The following MIS18A variants were observed in gnomAD, a reference collection of about 807,000 sequenced individuals.
The protein encoded by MIS18A is protein Mis18-alpha.
MIS18A carries 14 observed loss-of-function variants against 25.0 expected under a neutral mutation model. The observed-to-expected ratio is 0.56, with a 90% CI of 0.37 to 0.88. The LOEUF (loss-of-function observed/expected upper bound fraction) is 0.88. MIS18A is among the 40% of genes least tolerant of loss of function. The probability of loss-of-function intolerance (pLI) is 0.00; values close to 1 mark genes in which losing one functional copy is unlikely to be tolerated. For synonymous variants in MIS18A, 134 were observed against 118.6 expected (o/e 1.13, Z -0.84); for missense variants, 292 against 290.8 (o/e 1.00, Z -0.03).
chr21:32,231,033 G>A, the MIS18A span, among the ~76,000 whole-genome samples: 22,301 of 151,766 alleles, frequency 0.15, 1,721 homozygotes, highest in Admixed American at 0.2. Context: ...CCAGGAGTTC[G>A]AGACCAGCCT....
At chr21:32,165,115 C>T in the MIS18A span, among the ~76,000 whole-genome samples, 1 of 152,180 alleles carries the variant, frequency 6.6e-6, no homozygotes. Context: ...AGGCGGATCA[C>T]CTGAGGTTGG....
chr21:32,171,944 T>C, the MIS18A span, among the ~76,000 whole-genome samples: 13,191 of 152,058 alleles, frequency 0.087, 772 homozygotes, highest in South Asian at 0.18. Context: ...TGGAACTTAG[T>C]AGCAAGAAAA....
At chr21:32,172,345 G>A in the MIS18A span, among the ~76,000 whole-genome samples, 825 of 152,176 alleles carry the variant, frequency 5.4e-3, 7 homozygotes, top group African/African-American at 0.018. Context: ...GTGCTTCCGT[G>A]TTCATTGCAG....
At chr21:32,232,667 T>C in the MIS18A span, among the ~76,000 whole-genome samples, 3 of 152,122 alleles carry the variant, frequency 2.0e-5, no homozygotes, top group African/African-American at 4.8e-5. Context: ...AAATGCTGCA[T>C]GATCTCACTT....
the MIS18A span, among the ~76,000 whole-genome samples, chr21:32,207,529 G>C: frequency 3.3e-5 from 5 of 152,170 alleles, no homozygotes; most frequent in Admixed American, 6.5e-5. Context: ...CGCTTGCCAG[G>C]ATATCTGGCA....
downstream of MIS18A, among the ~76,000 whole-genome samples, chr21:32,264,561 T>C (rs1332485180): frequency 6.6e-6 from 1 of 152,232 alleles, no homozygotes. Flanking sequence ...ATACTTTCAT[T>C]ATACAGATGC....
the MIS18A span, among the ~76,000 whole-genome samples, chr21:32,252,274 GGAGGAGGAAGAGAGAA>G: frequency 2.9e-5 from 4 of 136,934 alleles, no homozygotes; most frequent in African/African-American, 5.4e-5. Context: ...AGGAGGAGGA[GGAGGAGGAAGAGAGAA>G]GAGGAGGAGG....
chr21:32,223,402 A>C, the MIS18A span, among the ~76,000 whole-genome samples: 1 of 152,200 alleles, frequency 6.6e-6, no homozygotes, highest in Non-Finnish European at 1.5e-5. Flanking sequence ...AAAGAAGAAA[A>C]GAGAGAAGAA....
the MIS18A span, among the ~76,000 whole-genome samples, chr21:32,238,886 G>A: frequency 2.0e-5 from 3 of 152,280 alleles, no homozygotes; most frequent in South Asian, 4.1e-4. Flanking sequence ...TGTACAATTC[G>A]ACGTTTGTCA....
chr21:32,204,795 G>A, the MIS18A span, among the ~76,000 whole-genome samples: 1 of 151,844 alleles, frequency 6.6e-6, no homozygotes, highest in East Asian at 2.0e-4. Flanking sequence ...GTTGAGGCAG[G>A]AGAATCGCTT....
the MIS18A span, among the ~76,000 whole-genome samples, chr21:32,252,653 T>C: frequency 3.4e-4 from 52 of 152,328 alleles, no homozygotes; most frequent in Admixed American, 3.3e-3. Flanking sequence ...CTCCCTCACT[T>C]AACTAAGTTG....
chr21:32,268,496 T>C lies in MIS18A; in HGVS notation c.*541A>G, dbSNP rs558845828. On this transcript the variant is annotated 3_prime_UTR_variant, in exon 5 of 5. Coordinates refer to ENST00000290130, the MANE Select transcript of MIS18A (RefSeq NM_018944.3). The stretch of plus-strand genomic sequence containing the variant: ...TCTGACCAATTTCTCCAGGGAACTT[T>C]ATGGATTAGTTTTCAGAGAAGATTC... The C allele has an allele frequency of 1.3e-5, 2 of 152,370 alleles. No individual in the cohort carries two copies. Among genetic ancestry groups the C allele is most frequent in the African/African-American group, 4.8e-5 (2 of 41,580 alleles). The allele number at this position is 152,370 out of a possible 1,614,324, so 9.4% of individuals were successfully genotyped here.
chr21:32,162,107 G>A, the MIS18A span, among the ~76,000 whole-genome samples: 1 of 152,112 alleles, frequency 6.6e-6, no homozygotes, highest in African/African-American at 2.4e-5. Flanking sequence ...TCTTCTCCAA[G>A]GTCACATGTG....
chr21:32,209,251 C>T, the MIS18A span, among the ~76,000 whole-genome samples: 1 of 151,974 alleles, frequency 6.6e-6, no homozygotes, highest in Admixed American at 6.6e-5. Flanking sequence ...CATGTTAAAG[C>T]ATTTTAGAAA....
intron 4 of MIS18A, 156 bp downstream of exon 4, chr21:32,269,551 C>T (rs2123463089): frequency 1.8e-6 from 1 of 550,008 alleles, no homozygotes; most frequent in Admixed American, 3.6e-5. Flanking sequence ...CTTTTGAGTT[C>T]CCCAAAAATC....
chr21:32,170,081 A>G, the MIS18A span, among the ~76,000 whole-genome samples: 2 of 152,274 alleles, frequency 1.3e-5, no homozygotes, highest in East Asian at 3.9e-4. Context: ...TAAACAAACT[A>G]TTATAAATAT....
chr21:32,264,426 G>T (rs2031557845), downstream of MIS18A, among the ~76,000 whole-genome samples: 1 of 152,150 alleles, frequency 6.6e-6, no homozygotes, highest in Admixed American at 6.5e-5. Context: ...GACTGAATCA[G>T]ATTGACTCTA....
the MIS18A span, among the ~76,000 whole-genome samples, chr21:32,158,955 A>T: frequency 6.6e-6 from 1 of 152,168 alleles, no homozygotes; most frequent in Non-Finnish European, 1.5e-5. Context: ...TTCACCACAC[A>T]AGATTCTTTC....
At chr21:32,217,309 C>T in the MIS18A span, among the ~76,000 whole-genome samples, 1 of 151,686 alleles carries the variant, frequency 6.6e-6, no homozygotes, top group Non-Finnish European at 1.5e-5. Flanking sequence ...AAAAACGACC[C>T]AAATAGAAAT....
Sources: allele counts gnomAD v4.1 joint callset (sites outside exome capture counted in the v4.1 genomes callset), GRCh38; gene constraint gnomAD v4.1.1; transcripts MANE v1.5; gene names NCBI Gene and HGNC (gene_info 2026-07-23, HGNC 2026-07-21).